Variants in C6orf52 observed in about 807,000 individuals in gnomAD.
C6orf52 encodes the protein putative uncharacterized protein C6orf52.
A neutral mutation model predicts 16.6 loss-of-function variants in C6orf52; 16 were observed. The ratio of observed to expected loss-of-function variants is 0.96; its 90% CI spans 0.65 to 1.46. C6orf52 has a LOEUF of 1.46. Ranked by LOEUF, C6orf52 falls within the 40% of genes most tolerant of loss-of-function variation. C6orf52 has a pLI of 0.00. For missense variants in C6orf52, 166 were observed against 182.3 expected (o/e 0.91, Z 0.52); for synonymous variants, 53 against 61.4 (o/e 0.86, Z 0.64).
chr6:10,687,149 A>G lies in C6orf52; in HGVS notation c.87T>C (p.Ile29=). 6.5e-7 allele frequency: 1 copy of G among 1,550,208 alleles called. No individual in the cohort carries two copies. The highest frequency in any genetic ancestry group is 1.2e-5 in the South Asian group (1 of 83,904). Residue 29 remains isoleucine, a synonymous_variant, in exon 3 of 5, where the codon ATT becomes ATC. Transcript: ENST00000259983. ...YCYWQSLPSA[I]RVKQEFQPSQ... ...TGGGCTGGAACTCCTGCTTCACTCT[A>G]ATAGCAGAGGGGAGACTACAGGAAT...
Position 10,694,592 on chromosome 6 carries a change from GCC to G in C6orf52, c.-112_-111del. On this transcript the variant is annotated 5_prime_UTR_variant, in exon 1 of 5. Transcript: ENST00000259983. ...AACAATGCACGCTGCCGGCGCTACA[GCC>G]CCTAAGCAACCGGCCGGAAGTCGGC... The G allele has an allele frequency of 2.2e-5, 4 of 180,834 alleles. No homozygotes were observed. Among genetic ancestry groups the G allele is most frequent in the South Asian group, 1.9e-4 (2 of 10,516 alleles). The allele number at this position is 180,834 out of a possible 1,614,324, so 11.2% of individuals were successfully genotyped here. A position where few individuals can be genotyped will look rare whatever the true frequency, so the allele number is the denominator to read the frequency against.
chr6:10,676,879 A>G (rs1196835167), intron 4 of C6orf52, among the ~76,000 whole-genome samples: 2 of 152,224 alleles, frequency 1.3e-5, no homozygotes, highest in African/African-American at 4.8e-5. Flanking sequence ...CTCCTGGTGC[A>G]AGACGACGAA....
intron 1 of C6orf52, among the ~76,000 whole-genome samples, chr6:10,693,370 G>C (rs1284205798): frequency 6.6e-6 from 1 of 152,160 alleles, no homozygotes; most frequent in African/African-American, 2.4e-5. Context: ...ACTTTTCTTC[G>C]TGTCACCAAT....
chr6:10,694,588 TACAGC>T lies in C6orf52; in HGVS notation c.-111_-107del. On this transcript the variant is annotated 5_prime_UTR_variant, in exon 1 of 5. Coordinates refer to ENST00000259983, the MANE Select transcript of C6orf52 (RefSeq NM_001145020.3). ...CCACAACAATGCACGCTGCCGGCGCTACAGCCCCTAAGCAACCGGCCGGAAGTCGG... is the reference window on the plus strand; with the variant it reads ...CCACAACAATGCACGCTGCCGGCGCTCCCTAAGCAACCGGCCGGAAGTCGG... 5.7e-6 allele frequency: 1 copy of T among 176,920 alleles called. No individual in the cohort carries two copies. Among genetic ancestry groups the T allele is most frequent in the Non-Finnish European group, 1.2e-5 (1 of 81,216 alleles). 11.0% of individuals were successfully genotyped at this position (176,920 alleles called of 1,614,324 possible).
chr6:10,685,519 A>C (rs1768801894), intron 3 of C6orf52, among the ~76,000 whole-genome samples: 1 of 152,238 alleles, frequency 6.6e-6, no homozygotes, highest in Non-Finnish European at 1.5e-5. Flanking sequence ...TATAAAATTC[A>C]ATTTTCATTT....
intron 4 of C6orf52, among the ~76,000 whole-genome samples, chr6:10,676,658 G>A (rs528434743): frequency 2.0e-5 from 3 of 152,326 alleles, no homozygotes; most frequent in South Asian, 2.1e-4. Context: ...TCATGTAGAC[G>A]TCACACCTGG....
At chr6:10,677,723 G>A (rs1274589977) in intron 4 of C6orf52, among the ~76,000 whole-genome samples, 2 of 151,332 alleles carry the variant, frequency 1.3e-5, no homozygotes, top group African/African-American at 2.4e-5. Flanking sequence ...TAGTAGAGAC[G>A]GGGTTTCACC....
intron 3 of C6orf52, among the ~76,000 whole-genome samples, chr6:10,685,568 T>C (rs1334706105): frequency 6.6e-6 from 1 of 152,200 alleles, no homozygotes; most frequent in East Asian, 1.9e-4. Context: ...TCACTCTGCA[T>C]ATTAGGAGAC....
chr6:10,687,887 T>C (rs1443740519), intron 1 of C6orf52, among the ~76,000 whole-genome samples: 1 of 152,028 alleles, frequency 6.6e-6, no homozygotes, highest in African/African-American at 2.4e-5. Flanking sequence ...GGTATGTTGG[T>C]CGACAATGAA....
At chr6:10,674,520 GT>G (rs1767697362) in intron 4 of C6orf52, 1 of 151,814 alleles carries the variant, frequency 6.6e-6, no homozygotes, top group Admixed American at 6.6e-5. Flanking sequence ...ACAACATAGT[GT>G]TTTAAGTATA....
At chr6:10,678,706 G>A (rs2044204172) in intron 4 of C6orf52, among the ~76,000 whole-genome samples, 1 of 152,174 alleles carries the variant, frequency 6.6e-6, no homozygotes, top group African/African-American at 2.4e-5. Context: ...TACTTTGGGA[G>A]GCCGTGGCTG....
At chr6:10,686,917 C>T (rs1422279901) in intron 3 of C6orf52, 49 bp downstream of exon 3, 1 of 1,326,710 alleles carries the variant, frequency 7.5e-7, no homozygotes, top group East Asian at 2.5e-5. Context: ...GTGATGTTTA[C>T]TATTATTGGG....
Position 10,688,300 on chromosome 6 carries a change from G to A in C6orf52, c.-11-739C>T, listed in dbSNP as rs542392639. Among the ~76,000 whole-genome samples, 9 of 152,164 alleles carry A rather than the reference G, an allele frequency of 5.9e-5. No homozygotes were observed. In the East Asian group the frequency reaches 1.7e-3, roughly 29 times the overall value. On this transcript the variant is annotated intron_variant, in intron 1 of 4. Transcript: ENST00000259983. Reference sequence around the variant, plus strand: ...TAGGTTCTCTAACTTGACAGATTTGGAGTGGAGCCTCAGATTCTGCCTTTA... The same window carrying A: ...TAGGTTCTCTAACTTGACAGATTTGAAGTGGAGCCTCAGATTCTGCCTTTA...
At chr6:10,691,064 C>T (rs115326461) in intron 1 of C6orf52, among the ~76,000 whole-genome samples, 1,879 of 152,316 alleles carry the variant, frequency 0.012, 37 homozygotes, top group African/African-American at 0.041. Context: ...AGCAGCATTG[C>T]TGGCTCTGTT....
At chr6:10,679,395 C>T (rs1170493059) in intron 4 of C6orf52, among the ~76,000 whole-genome samples, 9 of 149,454 alleles carry the variant, frequency 6.0e-5, no homozygotes, top group Admixed American at 1.3e-4. Flanking sequence ...GCCGAGATCA[C>T]GCCACTTTAC....
At chr6:10,694,345 C>G (rs921209504) in intron 1 of C6orf52, 149 bp downstream of exon 1, 1 of 152,440 alleles carries the variant, frequency 6.6e-6, no homozygotes, top group Non-Finnish European at 1.5e-5. Context: ...CAGAGTTAGA[C>G]AAGCAGACAG....
At chr6:10,687,300 G>A (rs941231339) in intron 2 of C6orf52, 136 bp from the exon 3 acceptor site, 2 of 787,116 alleles carry the variant, frequency 2.5e-6, no homozygotes, top group African/African-American at 1.8e-5. Context: ...GTAGATGACG[G>A]GTTGATGGGT....
intron 1 of C6orf52, among the ~76,000 whole-genome samples, chr6:10,693,509 GAAGAA>G (rs1769541650): frequency 6.6e-6 from 1 of 152,190 alleles, no homozygotes; most frequent in African/African-American, 2.4e-5. Flanking sequence ...GAACACCAGA[GAAGAA>G]AAGTTATTGG....
rs1450187557 is a variant in C6orf52, at chr6:10,689,761, T to G, written c.-11-2200A>C. Among the ~76,000 whole-genome samples the G allele has an allele frequency of 3.3e-5, 5 of 152,310 alleles. No individual in the cohort carries two copies. The East Asian group carries it at 9.6e-4, about 29-fold the overall frequency. ...TGAGGTGACATCCAGGAAGGCATCA[T>G]GCAGAAGAATACTGGGATCCAAGAC... On this transcript the variant is annotated intron_variant, in intron 1 of 4. Transcript: ENST00000259983.
Sources: gnomAD v4.1 joint callset for allele counts (sites outside exome capture counted in the v4.1 genomes callset) on GRCh38, gnomAD v4.1.1 for gene constraint, MANE v1.5 for transcripts, NCBI Gene and HGNC (gene_info 2026-07-23, HGNC 2026-07-21) for gene names.